Variants in ANKRD17 observed in about 807,000 individuals in gnomAD.
The protein encoded by ANKRD17 is ankyrin repeat domain 17.
A neutral mutation model predicts 229.7 loss-of-function variants in ANKRD17; 19 were observed. The ratio of observed to expected loss-of-function variants is 0.08; its 90% confidence interval spans 0.06 to 0.12. The LOEUF (loss-of-function observed/expected upper bound fraction) is 0.12, where lower values mean the gene tolerates loss of function less well. ANKRD17 is among the 10% of genes least tolerant of loss of function. The pLI is 1.00. For missense variants in ANKRD17, 2,176 were observed against 3,176.8 expected, an observed-to-expected ratio of 0.68 and a Z score of 7.57; for synonymous variants, 1,112 against 1,146.1, an observed-to-expected ratio of 0.97 and a Z score of 0.60.
rs1730320206 is a variant in ANKRD17 at position 73,146,660 on chromosome 4, CAAT to C, written c.1869+101_1869+103del. 3.6e-6 allele frequency: 3 copies of C among 827,962 alleles called. No homozygotes were observed. The South Asian group carries it at 8.6e-5, about 24-fold the overall frequency. 51.3% of individuals were successfully genotyped at this position (827,962 alleles called of 1,614,324 possible). On this transcript the variant is annotated intron_variant, in intron 10 of 33. Coordinates refer to ENST00000358602, the MANE Select transcript of ANKRD17 (RefSeq NM_032217.5). ...GGCAAAAAAATAAAAATAAAAAAAA[CAAT>C]AAAACTGAAGGTAAAGAAATACCTT...
intron 29 of ANKRD17, among the ~76,000 whole-genome samples, chr4:73,090,436 G>A (rs543483997): frequency 3.0e-4 from 45 of 152,046 alleles, no homozygotes; most frequent in South Asian, 1.7e-3. Flanking sequence ...AAAAAACCCC[G>A]CCTGATCAGA....
intron 1 of ANKRD17, among the ~76,000 whole-genome samples, chr4:73,217,809 T>C (rs1394434084): frequency 6.6e-6 from 1 of 152,202 alleles, no homozygotes; most frequent in Non-Finnish European, 1.5e-5. Flanking sequence ...TCGGACTATG[T>C]GTATAAGGTA....
At chr4:73,240,019 C>T (rs145015842) in intron 1 of ANKRD17, among the ~76,000 whole-genome samples, 1 of 152,120 alleles carries the variant, frequency 6.6e-6, no homozygotes, top group East Asian at 1.9e-4. Context: ...ACTCCTAGTT[C>T]ATTTGAAATA....
At chr4:73,193,227 T>C (rs528692701) in intron 1 of ANKRD17, among the ~76,000 whole-genome samples, 60 of 152,352 alleles carry the variant, frequency 3.9e-4, no homozygotes, top group African/African-American at 1.3e-3. Flanking sequence ...TCATAAATGT[T>C]GTAGCATGCA....
chr4:73,154,563 C>A (rs1277777508), intron 5 of ANKRD17, among the ~76,000 whole-genome samples: 3 of 152,052 alleles, frequency 2.0e-5, no homozygotes, highest in East Asian at 3.8e-4. Context: ...TATATGTTTT[C>A]ATTACAACTT....
intron 1 of ANKRD17, among the ~76,000 whole-genome samples, chr4:73,225,753 T>C (rs1742393034): frequency 6.9e-6 from 1 of 145,448 alleles, no homozygotes; most frequent in African/African-American, 2.5e-5. Context: ...TCCCAGCTAC[T>C]TGGGAGGCTG....
chr4:73,147,208 T>TA (rs771891859), intron 9 of ANKRD17, 33 bp downstream of exon 9: 4 of 1,505,302 alleles, frequency 2.7e-6, no homozygotes, highest in African/African-American at 2.8e-5. Flanking sequence ...ACAAATCATG[T>TA]AAAAAACTTC....
Position 73,077,467 on chromosome 4 carries a change from C to G in ANKRD17, c.7475G>C (p.Gly2492Ala), listed in dbSNP as rs1292682601. Residue 2492 changes from glycine (G) to alanine (A), a missense_variant, in exon 32 of 34, where the codon GGA becomes GCA. By Grantham distance (60) the Gly-to-Ala change is moderately conservative. Transcript: ENST00000358602. ...CATTGCTTGATGTTGTGAAAATACT[C>G]CTGGGTCAGACATCGGTCTGTGGAT... ...PMIHRPMSDP[G>A]VFSQHQAMER... 2.5e-6 allele frequency: 4 copies of G among 1,613,742 alleles called. No individual in the cohort carries two copies. The Admixed American group carries it at 6.7e-5, about 27-fold the overall frequency.
chr4:73,222,055 A>T (rs565632705), intron 1 of ANKRD17, among the ~76,000 whole-genome samples: 104 of 152,286 alleles, frequency 6.8e-4, no homozygotes, highest in Non-Finnish European at 1.4e-3. Context: ...AATAGTTAAT[A>T]AATTATCTCA....
intron 1 of ANKRD17, among the ~76,000 whole-genome samples, chr4:73,203,904 A>G (rs1739056312): frequency 6.6e-6 from 1 of 152,160 alleles, no homozygotes; most frequent in Non-Finnish European, 1.5e-5. Context: ...ATCACAATGA[A>G]ACTACTAAAA....
At chr4:73,089,827 A>G (rs111994919) in intron 29 of ANKRD17, among the ~76,000 whole-genome samples, 111 of 152,282 alleles carry the variant, frequency 7.3e-4, no homozygotes, top group African/African-American at 2.5e-3. Flanking sequence ...GCTGTCCAAT[A>G]TGGTAGCTAC....
chr4:73,237,427 T>C (rs925381835), intron 1 of ANKRD17, among the ~76,000 whole-genome samples: 1 of 152,188 alleles, frequency 6.6e-6, no homozygotes. Context: ...ACTTAAATCA[T>C]ATTACAGTCC....
chr4:73,151,020 T>A (rs1024088724), intron 7 of ANKRD17, among the ~76,000 whole-genome samples: 1 of 152,328 alleles, frequency 6.6e-6, no homozygotes, highest in Non-Finnish European at 1.5e-5. Context: ...TTTCCTTTTT[T>A]CTTTTTTTAA....
chr4:73,100,937 T>C (rs942785566), intron 25 of ANKRD17: 3 of 985,240 alleles, frequency 3.0e-6, no homozygotes, highest in Non-Finnish European at 3.6e-6. Flanking sequence ...TATCCATAGA[T>C]TTAACCAACA....
chr4:73,217,952 T>C (rs1741302832), intron 1 of ANKRD17, among the ~76,000 whole-genome samples: 3 of 152,184 alleles, frequency 2.0e-5, no homozygotes, highest in Non-Finnish European at 4.4e-5. Flanking sequence ...TAAGAAATAT[T>C]CCACCTAAAG....
intron 1 of ANKRD17, among the ~76,000 whole-genome samples, chr4:73,196,828 C>T (rs1185542480): frequency 6.6e-6 from 1 of 151,882 alleles, no homozygotes; most frequent in Non-Finnish European, 1.5e-5. Flanking sequence ...GAAATGGGAG[C>T]CAATGGACAG....
intron 2 of ANKRD17, among the ~76,000 whole-genome samples, chr4:73,167,702 C>G (rs1016937791): frequency 6.6e-6 from 1 of 152,194 alleles, no homozygotes; most frequent in Non-Finnish European, 1.5e-5. Context: ...TAAATTAGGT[C>G]TCTACTCTTC....
intron 1 of ANKRD17, among the ~76,000 whole-genome samples, chr4:73,221,182 T>C (rs1227845926): frequency 6.6e-6 from 1 of 152,110 alleles, no homozygotes; most frequent in East Asian, 1.9e-4. Flanking sequence ...TTATTTAGTA[T>C]GATAGGATGC....
rs183652039 is a variant in ANKRD17 at position 73,242,283 on chromosome 4, A to T, written c.393+15993T>A. 1.1e-4 allele frequency among the ~76,000 whole-genome samples: 16 copies of T among 152,336 alleles called. 1 individual carries two copies. Among genetic ancestry groups the T allele is most frequent in the African/African-American group, 3.8e-4 (16 of 41,598 alleles). ...GAATTCAGTTTAGTGGCCATATACA[A>T]GATTAAAATATGCCAATCAATAGCT... On this transcript the variant is annotated intron_variant, in intron 1 of 33. Transcript: ENST00000358602.
Sources: allele counts gnomAD v4.1 joint callset (sites outside exome capture counted in the v4.1 genomes callset), GRCh38; gene constraint gnomAD v4.1.1; transcripts MANE v1.5; gene names NCBI Gene and HGNC (gene_info 2026-07-23, HGNC 2026-07-21).